DAB1: variants seen among roughly 807,000 people sequenced by gnomAD.
DAB1 encodes DAB adaptor protein 1.
A neutral mutation model predicts 64.6 loss-of-function variants in DAB1; 15 were observed. The observed-to-expected ratio is 0.23, with a 90% CI of 0.16 to 0.36. DAB1 has a LOEUF of 0.36. DAB1 is among the 10% of genes least tolerant of loss of function. The probability of loss-of-function intolerance (pLI) is 1.00; values close to 1 mark genes in which losing one functional copy is unlikely to be tolerated. For synonymous variants in DAB1, 235 were observed against 251.9 expected (o/e 0.93, Z 0.64); for missense variants, 596 against 706.7 (o/e 0.84, Z 1.78).
rs61767361 is a variant in DAB1 at position 57,273,150 on chromosome 1, C to G, written c.67+17814G>C. On this transcript the variant is annotated intron_variant, in intron 2 of 14. Coordinates refer to ENST00000371236, the MANE Select transcript of DAB1 (RefSeq NM_001365792.1). ...AGAAATATAACTGGTCAGTTTCCAC[C>G]AGATGGTAGTGAATTGAAGTGAGAG... Among the ~76,000 whole-genome samples the G allele has an allele frequency of 8.2e-3, 1,245 of 152,258 alleles. 31 individuals are homozygous for G. The highest frequency in any genetic ancestry group is 0.08 in the East Asian group (415 of 5,174).
At chr1:58,483,051 T>C (rs750012435) in intron 3 of DAB1, among the ~76,000 whole-genome samples, 3 of 152,196 alleles carry the variant, frequency 2.0e-5, no homozygotes, top group Non-Finnish European at 4.4e-5. Flanking sequence ...CTTTGAAGAA[T>C]ACACATTCGA....
intron 1 of DAB1, among the ~76,000 whole-genome samples, chr1:57,294,548 G>A (rs1673039597): frequency 6.6e-6 from 1 of 151,816 alleles, no homozygotes. Context: ...ACACACATTT[G>A]TGTTCTTTCT....
At chr1:57,121,754 T>C (rs1656688455) in intron 4 of DAB1, among the ~76,000 whole-genome samples, 1 of 151,822 alleles carries the variant, frequency 6.6e-6, no homozygotes, top group Non-Finnish European at 1.5e-5. Context: ...AAGGAAGGGG[T>C]CCAGTTTCAG....
chr1:57,388,421 C>T lies in DAB1; in HGVS notation c.-137+35509G>A, dbSNP rs1682065319. Among the ~76,000 whole-genome samples, 13 of 152,260 alleles carry T rather than the reference C, an allele frequency of 8.5e-5. No homozygotes were observed. In the South Asian group the frequency reaches 2.7e-3, roughly 32 times the overall value. The stretch of plus-strand genomic sequence containing the variant: ...CTGGCATTTTCTGCTCTTTGTGTTT[C>T]CCAGTCCTCGTGTAGGTGGTTCTGT... On this transcript the variant is annotated intron_variant, in intron 1 of 14. Transcript: ENST00000371236.
intron 3 of DAB1, among the ~76,000 whole-genome samples, chr1:58,499,165 T>C (rs534244070): frequency 4.6e-5 from 7 of 151,688 alleles, no homozygotes; most frequent in Non-Finnish European, 8.8e-5. Flanking sequence ...CTCACTTATA[T>C]ATGGAATCTA....
intron 5 of DAB1, among the ~76,000 whole-genome samples, chr1:58,031,533 C>T (rs756625901): frequency 6.6e-6 from 1 of 152,150 alleles, no homozygotes; most frequent in Non-Finnish European, 1.5e-5. Context: ...TTTCTTCCAT[C>T]GCCAGGATGG....
At chr1:58,069,492 A>G (rs1447035764) in intron 5 of DAB1, among the ~76,000 whole-genome samples, 1 of 152,110 alleles carries the variant, frequency 6.6e-6, no homozygotes, top group African/African-American at 2.4e-5. Context: ...TACATAACCA[A>G]TCCTATGCAC....
In DAB1 at chr1:58,442,582, G is replaced by T. The variant is rs986511395; in HGVS notation, n.257+63478C>A. Among the ~76,000 whole-genome samples, 59 of 152,206 alleles carry T rather than the reference G, an allele frequency of 3.9e-4. 1 individual carries two copies. The highest frequency in any genetic ancestry group is 2.5e-3 in the South Asian group (12 of 4,822). ...CAAATTCCAAAAAGACTTTTTTTGA[G>T]GAGATGTCAAAAAAGTGTAATTTGG... On this transcript the variant is annotated intron_variant and non_coding_transcript_variant, in intron 3 of 20. Transcript: ENST00000485760.
intron 6 of DAB1, among the ~76,000 whole-genome samples, chr1:57,656,047 G>A (rs906359455): frequency 1.3e-5 from 2 of 152,116 alleles, no homozygotes; most frequent in Non-Finnish European, 2.9e-5. Flanking sequence ...CATGAGGGTG[G>A]AGCCTTCATG....
At chr1:57,176,481 T>A (rs1382772865) in intron 2 of DAB1, among the ~76,000 whole-genome samples, 1 of 152,064 alleles carries the variant, frequency 6.6e-6, no homozygotes, top group Non-Finnish European at 1.5e-5. Context: ...CCCACCAGGT[T>A]CCTCCCATGA....
chr1:57,733,533 C>G (rs1385336044), intron 6 of DAB1, among the ~76,000 whole-genome samples: 1 of 152,028 alleles, frequency 6.6e-6, no homozygotes, highest in African/African-American at 2.4e-5. Context: ...AAGGACCTTA[C>G]AAGATTTGGT....
At chr1:57,431,148 AAAAAAAAAAGAAAAAC>A (rs1685496291) in intron 7 of DAB1, among the ~76,000 whole-genome samples, 2 of 151,614 alleles carry the variant, frequency 1.3e-5, no homozygotes, top group South Asian at 2.1e-4. Flanking sequence ...AAAAACAAAA[AAAAAAAAAAGAAAAAC>A]AAAAAAAAAG....
At chr1:57,830,619 A>G (rs2101903782) in intron 1 of DAB1, among the ~76,000 whole-genome samples, 1 of 152,296 alleles carries the variant, frequency 6.6e-6, no homozygotes, top group South Asian at 2.1e-4. Flanking sequence ...CTGTGCAGGA[A>G]AGAATTGACA....
Position 58,322,484 on chromosome 1 carries a change from A to C in DAB1, n.309+20868T>G, listed in dbSNP as rs578072433. On this transcript the variant is annotated intron_variant and non_coding_transcript_variant, in intron 4 of 20. Transcript: ENST00000485760. ...CATCTGTGCAGCCAACAGACACATG[A>C]AAAAATGCTCATCATCACTGGTCAT... Among the ~76,000 whole-genome samples, 13 of 152,358 alleles carry C rather than the reference A, an allele frequency of 8.5e-5. No individual in the cohort carries two copies. In the East Asian group the frequency reaches 2.3e-3, roughly 27 times the overall value.
intron 7 of DAB1, among the ~76,000 whole-genome samples, chr1:57,488,823 C>A (rs1243235424): frequency 1.3e-5 from 2 of 152,092 alleles, no homozygotes; most frequent in Non-Finnish European, 2.9e-5. Flanking sequence ...TTTTAAAATT[C>A]AATTTTCTCA....
At chr1:57,640,401 A>G (rs1166512367) in intron 7 of DAB1, among the ~76,000 whole-genome samples, 1 of 152,160 alleles carries the variant, frequency 6.6e-6, no homozygotes, top group East Asian at 1.9e-4. Context: ...TCACATATAT[A>G]TCACCCTTAC....
intron 7 of DAB1, among the ~76,000 whole-genome samples, chr1:57,606,520 TAA>T (rs1645643420): frequency 1.4e-5 from 1 of 70,696 alleles, no homozygotes; most frequent in Non-Finnish European, 2.7e-5. Context: ...ATAATATATA[TAA>T]TATATAATAT....
rs529716134 is a variant in DAB1 at position 57,375,129 on chromosome 1, T to C, written c.-137+48801A>G. The stretch of plus-strand genomic sequence containing the variant: ...ACTGATGGAGACAAAGGAACTCCCA[T>C]CACCCTAGGATTGAGCTTCACCCCA... On this transcript the variant is annotated intron_variant, in intron 1 of 14. Coordinates refer to ENST00000371236, the MANE Select transcript of DAB1 (RefSeq NM_001365792.1). Among the ~76,000 whole-genome samples the C allele has an allele frequency of 1.4e-4, 21 of 152,266 alleles. No individual in the cohort carries two copies. The South Asian group carries it at 3.1e-3, about 23-fold the overall frequency.
intron 3 of DAB1, among the ~76,000 whole-genome samples, chr1:58,459,751 A>T (rs1569828617): frequency 6.6e-6 from 1 of 152,194 alleles, no homozygotes. Context: ...GCCAAGGTGG[A>T]TGGATCACTT....
Sources: gnomAD v4.1 joint callset for allele counts (sites outside exome capture counted in the v4.1 genomes callset) on GRCh38, gnomAD v4.1.1 for gene constraint, MANE v1.5 for transcripts, NCBI Gene and HGNC (gene_info 2026-07-23, HGNC 2026-07-21) for gene names.